TMEM132B: variants seen among roughly 807,000 people sequenced by gnomAD.
TMEM132B encodes the protein transmembrane protein 132B.
TMEM132B carries 18 observed loss-of-function variants against 90.8 expected under a neutral mutation model. The observed-to-expected ratio is 0.20, with a 90% CI of 0.14 to 0.29. The LOEUF is 0.29. TMEM132B is among the 10% of genes least tolerant of loss of function. The pLI is 1.00. For synonymous variants in TMEM132B, 504 were observed against 523.3 expected, an observed-to-expected ratio of 0.96 and a Z score of 0.50; for missense variants, 1,096 against 1,326.8, an observed-to-expected ratio of 0.83 and a Z score of 2.70.
At chr12:125,500,850 A>T (rs1202013645) in intron 3 of TMEM132B, among the ~76,000 whole-genome samples, 7 of 152,106 alleles carry the variant, frequency 4.6e-5, no homozygotes, top group Admixed American at 4.6e-4. Flanking sequence ...TGGGTCTCTG[A>T]TCTCCCTTGT....
intron 1 of TMEM132B, among the ~76,000 whole-genome samples, chr12:125,300,374 C>T (rs962610456): frequency 1.3e-5 from 2 of 152,152 alleles, no homozygotes; most frequent in African/African-American, 4.8e-5. Context: ...GCCCGACCAC[C>T]TGACACCCTG....
chr12:125,442,799 A>T (rs969906635), intron 3 of TMEM132B, among the ~76,000 whole-genome samples: 1 of 152,192 alleles, frequency 6.6e-6, no homozygotes, highest in Non-Finnish European at 1.5e-5. Flanking sequence ...AGTTTCAGGC[A>T]CATAGAAATG....
intron 2 of TMEM132B, among the ~76,000 whole-genome samples, chr12:125,404,818 A>C (rs555629478): frequency 6.6e-6 from 1 of 152,264 alleles, no homozygotes; most frequent in Admixed American, 6.5e-5. Context: ...TCTGCTAGGG[A>C]GGGAGGAATG....
At position 125,492,771 on chromosome 12, in the gene TMEM132B, C is replaced by T. The variant is rs1410989548; in HGVS notation, c.1107-26668C>T. ...TGTTGTCCACTCAGCCACTCAGCCA[C>T]GCCCGCAGATCTCACTTGGCTCCAA... On this transcript the variant is annotated intron_variant, in intron 3 of 8. Coordinates refer to ENST00000682704, the MANE Select transcript of TMEM132B (RefSeq NM_001366854.1). This position sits in a 1 kb window ranked among gnomAD's most constrained non-coding sequence, Gnocchi z 5.8. Among the ~76,000 whole-genome samples, 8 of 152,156 alleles carry T rather than the reference C, an allele frequency of 5.3e-5. No homozygotes were observed. Among genetic ancestry groups the T allele is most frequent in the South Asian group, 2.1e-4 (1 of 4,836 alleles).
intron 2 of TMEM132B, among the ~76,000 whole-genome samples, chr12:125,368,887 T>G (rs934286128): frequency 6.6e-6 from 1 of 152,194 alleles, no homozygotes; most frequent in African/African-American, 2.4e-5. Context: ...TTTTTTAAAT[T>G]ATACTTTAAG....
chr12:125,388,117 G>A (rs997710388), intron 2 of TMEM132B, among the ~76,000 whole-genome samples: 7 of 152,110 alleles, frequency 4.6e-5, no homozygotes, highest in Non-Finnish European at 1.0e-4. Context: ...TTTTCCAGAG[G>A]CATTTTGGAA....
At chr12:125,354,796 ATG>A (rs1377171307) in intron 2 of TMEM132B, among the ~76,000 whole-genome samples, 1 of 152,200 alleles carries the variant, frequency 6.6e-6, no homozygotes, top group Non-Finnish European at 1.5e-5. Flanking sequence ...TATAATTAAT[ATG>A]TGTTAATTGA....
chr12:125,415,664 G>A lies in TMEM132B; in HGVS notation c.1093G>A (p.Asp365Asn). The part of the protein sequence containing the change: ...ATLTCMGHRP[D>N]TQSRVNGSFY... ...CCTCACCTGCATGGGCCATCGCCCG[G>A]ACACGCAGAGCAGGTAAGCATGGAG... The change falls in exon 3 of 9, where the codon GAC (aspartate) becomes AAC (asparagine). Residue 365 changes from aspartate (D) to asparagine (N), a missense_variant. Physicochemically the swap from Asp to Asn is conservative, Grantham distance 23. Coordinates refer to ENST00000682704, the MANE Select transcript of TMEM132B (RefSeq NM_001366854.1). The surrounding 1 kb of genome is among the most constrained non-coding windows in gnomAD (Gnocchi z 5.3). The A allele has an allele frequency of 6.2e-7, 1 of 1,614,138 alleles. No individual in the cohort carries two copies. The highest frequency in any genetic ancestry group is 8.5e-7 in the Non-Finnish European group (1 of 1,180,020).
intron 1 of TMEM132B, among the ~76,000 whole-genome samples, chr12:125,197,539 C>T (rs1226471106): frequency 2.6e-5 from 4 of 152,200 alleles, no homozygotes; most frequent in Non-Finnish European, 4.4e-5. Context: ...TTTATTGGAA[C>T]ACAGCGGTGC....
chr12:125,351,521 A>G (rs1005404047), intron 2 of TMEM132B, among the ~76,000 whole-genome samples: 1 of 152,246 alleles, frequency 6.6e-6, no homozygotes, highest in African/African-American at 2.4e-5. Context: ...CTGAGACAAC[A>G]TAAGTATATT....
At chr12:125,216,750 G>C (rs750777614) in intron 1 of TMEM132B, among the ~76,000 whole-genome samples, 1 of 152,214 alleles carries the variant, frequency 6.6e-6, no homozygotes, top group African/African-American at 2.4e-5. Context: ...GAGCTGGAAT[G>C]GTTGGGGAGT....
At chr12:125,428,584 C>T (rs1429964709) in intron 3 of TMEM132B, among the ~76,000 whole-genome samples, 3 of 152,158 alleles carry the variant, frequency 2.0e-5, no homozygotes, top group Non-Finnish European at 4.4e-5. Flanking sequence ...AACCCTCCAT[C>T]TTCCTTTTTC....
At chr12:125,499,903 C>G (rs776324279) in intron 3 of TMEM132B, among the ~76,000 whole-genome samples, 17 of 152,196 alleles carry the variant, frequency 1.1e-4, no homozygotes, top group Non-Finnish European at 2.5e-4. Flanking sequence ...GTATACTGTA[C>G]TTCTGCATAC....
chr12:125,550,760 A>C (rs1884207857), intron 4 of TMEM132B, among the ~76,000 whole-genome samples: 2 of 152,292 alleles, frequency 1.3e-5, no homozygotes, highest in South Asian at 4.2e-4. Flanking sequence ...GGGCTTCAGA[A>C]TCACTAGGGA....
At position 125,612,343 on chromosome 12, in the gene TMEM132B, A is replaced by T. The variant is rs546713672; in HGVS notation, c.1437+28349A>T. ...ACAAAAATACAGGTGCATGCCTGTA[A>T]TCCTAGCTACTCAGGAGGCTGAGGC... On this transcript the variant is annotated intron_variant, in intron 5 of 8. Coordinates refer to ENST00000682704, the MANE Select transcript of TMEM132B (RefSeq NM_001366854.1). Among the ~76,000 whole-genome samples the T allele has an allele frequency of 9.2e-4, 139 of 151,792 alleles. 2 individuals are homozygous for T. The South Asian group carries it at 0.021, about 23-fold the overall frequency.
rs1053361709 is a variant in TMEM132B at position 125,657,675 on chromosome 12, T to G, written c.*2965T>G. On this transcript the variant is annotated 3_prime_UTR_variant, in exon 9 of 9. Coordinates refer to ENST00000682704, the MANE Select transcript of TMEM132B (RefSeq NM_001366854.1). ...CCTGGATTTTCCAGGATTTTATGGC[T>G]GATAGACCCAAATTATTAGTCTTGA... 6.6e-6 allele frequency: 1 copy of G among 152,178 alleles called. No individual in the cohort carries two copies. Among genetic ancestry groups the G allele is most frequent in the Non-Finnish European group, 1.5e-5 (1 of 68,030 alleles). 9.4% of individuals were successfully genotyped at this position (152,178 alleles called of 1,614,324 possible). A position where few individuals can be genotyped will look rare whatever the true frequency, so the allele number is the denominator to read the frequency against.
At chr12:125,385,144 A>G (rs1566019540) in intron 2 of TMEM132B, among the ~76,000 whole-genome samples, 1 of 152,258 alleles carries the variant, frequency 6.6e-6, no homozygotes, top group Non-Finnish European at 1.5e-5. Flanking sequence ...GGGCATTTAA[A>G]ACAAGTTCCT....
intron 3 of TMEM132B, among the ~76,000 whole-genome samples, chr12:125,420,957 G>A (rs1613007): frequency 0.029 from 4,460 of 151,570 alleles, 230 homozygotes; most frequent in African/African-American, 0.1. Context: ...AATGCCACCA[G>A]TCTCTTTGCT....
At chr12:125,530,316 T>TTCTCTCTG (rs1217226505) in intron 4 of TMEM132B, among the ~76,000 whole-genome samples, 4 of 151,942 alleles carry the variant, frequency 2.6e-5, no homozygotes, top group Non-Finnish European at 1.5e-5. Flanking sequence ...CTCTCTCTCT[T>TTCTCTCTG]TCTCTCTGTC....
Sources: gnomAD v4.1 joint callset for allele counts (sites outside exome capture counted in the v4.1 genomes callset) on GRCh38, gnomAD v4.1.1 for gene constraint, Gnocchi (gnomAD v3.1) non-coding constraint, MANE v1.5 for transcripts, NCBI Gene and HGNC (gene_info 2026-07-23, HGNC 2026-07-21) for gene names.